The following PIK3C2B variants were observed in gnomAD, a reference collection of about 807,000 sequenced individuals.
PIK3C2B encodes phosphatidylinositol-4-phosphate 3-kinase catalytic subunit type 2 beta, also known as phosphatidylinositol 4-phosphate 3-kinase C2 domain-containing subunit beta.
A neutral mutation model predicts 184.3 loss-of-function variants in PIK3C2B; 83 were observed. That is an observed-to-expected ratio of 0.45 (90% CI 0.38 to 0.54). The LOEUF (loss-of-function observed/expected upper bound fraction) is 0.54. PIK3C2B is among the 20% of genes least tolerant of loss of function. The probability of loss-of-function intolerance (pLI) is 0.00; values close to 1 mark genes in which losing one functional copy is unlikely to be tolerated. For missense variants in PIK3C2B, 1,736 were observed against 2,113.5 expected, an observed-to-expected ratio of 0.82 and a Z score of 3.50; for synonymous variants, 779 against 837.6, an observed-to-expected ratio of 0.93 and a Z score of 1.21.
chr1:204,484,782 C>T (rs1041305911), intron 1 of PIK3C2B, among the ~76,000 whole-genome samples: 3 of 152,020 alleles, frequency 2.0e-5, no homozygotes, highest in African/African-American at 7.2e-5. Flanking sequence ...TCTAGAACAC[C>T]TCCATGCTCT....
At chr1:204,486,806 T>C (rs1035116940) in intron 1 of PIK3C2B, among the ~76,000 whole-genome samples, 2 of 152,152 alleles carry the variant, frequency 1.3e-5, no homozygotes, top group African/African-American at 4.8e-5. Context: ...CATTTTTTGT[T>C]TGGTTTTTTG....
chr1:204,425,061 G>A (rs1329495514), intron 32 of PIK3C2B, 21 bp from the exon 33 acceptor site: 5 of 1,600,026 alleles, frequency 3.1e-6, no homozygotes, highest in Admixed American at 1.7e-5. Flanking sequence ...AGAGATGGGT[G>A]AGGGAAGTGG....
Position 204,440,337 on chromosome 1 carries a change from A to G in PIK3C2B, c.3250-16T>C, listed in dbSNP as rs770990263. 6.4e-7 allele frequency: 1 copy of G among 1,569,396 alleles called. No individual in the cohort carries two copies. Among genetic ancestry groups the G allele is most frequent in the Non-Finnish European group, 8.6e-7 (1 of 1,156,894 alleles). On this transcript the variant is annotated splice_polypyrimidine_tract_variant and intron_variant, in intron 21 of 32. Transcript: ENST00000684373. The stretch of plus-strand genomic sequence containing the variant: ...CGTCCCCACACTGGATGGAGGGAGA[A>G]AGTGACCAGATCTAATCTCCACTAC...
chr1:204,464,612 G>A lies in PIK3C2B; in HGVS notation c.1035-8C>T. On this transcript the variant is annotated splice_region_variant and splice_polypyrimidine_tract_variant and intron_variant, in intron 3 of 32. Transcript: ENST00000684373. The stretch of plus-strand genomic sequence containing the variant: ...TCAGAGCCAGATCGAAGGCTGTACA[G>A]GAAGAAAAAAAACCCTCACTGTGCC... The A allele has an allele frequency of 6.2e-7, 1 of 1,609,030 alleles. No homozygotes were observed.
At chr1:204,472,779 T>TA (rs1168916489) in intron 1 of PIK3C2B, among the ~76,000 whole-genome samples, 1 of 151,820 alleles carries the variant, frequency 6.6e-6, no homozygotes, top group Admixed American at 6.6e-5. Context: ...AAACTCTGTC[T>TA]AAAAAAAACA....
chr1:204,454,585 A>C, intron 12 of PIK3C2B, 84 bp downstream of exon 12: 2 of 1,425,942 alleles, frequency 1.4e-6, no homozygotes, highest in Non-Finnish European at 1.9e-6. Flanking sequence ...TTAGTCCTGG[A>C]CTAGTTATCT....
chr1:204,481,728 G>C (rs1657166758), intron 1 of PIK3C2B, among the ~76,000 whole-genome samples: 1 of 152,204 alleles, frequency 6.6e-6, no homozygotes, highest in Admixed American at 6.5e-5. Context: ...GCCACAGAAG[G>C]AGCCTCAGGC....
intron 18 of PIK3C2B, 140 bp from the exon 19 acceptor site, chr1:204,443,737 C>A: frequency 1.4e-6 from 1 of 736,054 alleles, no homozygotes; most frequent in Admixed American, 2.3e-5. Context: ...TCTGTATGTA[C>A]GGCTCATATG....
At chr1:204,477,109 A>C (rs1168059089) in intron 1 of PIK3C2B, among the ~76,000 whole-genome samples, 1 of 152,226 alleles carries the variant, frequency 6.6e-6, no homozygotes, top group Non-Finnish European at 1.5e-5. Context: ...ACACAATGCC[A>C]TGAGCACACC....
chr1:204,434,721 A>G, intron 23 of PIK3C2B, 113 bp from the exon 24 acceptor site: 1 of 735,018 alleles, frequency 1.4e-6, no homozygotes, highest in Non-Finnish European at 2.2e-6. Context: ...TCTTCTGTGA[A>G]CCCCAATAGT....
intron 14 of PIK3C2B, 94 bp downstream of exon 14, chr1:204,449,091 C>A: frequency 1.2e-6 from 1 of 853,240 alleles, no homozygotes; most frequent in Non-Finnish European, 1.9e-6. Flanking sequence ...CTAGCACTCT[C>A]TCCTGCTGTC....
chr1:204,481,839 C>T lies in PIK3C2B; in HGVS notation c.-84-11953G>A, dbSNP rs189507951. 5.2e-3 allele frequency among the ~76,000 whole-genome samples: 789 copies of T among 152,330 alleles called. 5 individuals are homozygous for T. The highest frequency in any genetic ancestry group is 9.2e-3 in the Non-Finnish European group (624 of 68,022). On this transcript the variant is annotated intron_variant, in intron 1 of 32. Transcript: ENST00000684373. Reference sequence around the variant, plus strand: ...CCTAAATCAGGAAGGTGTAAAGAAGCCGTGGGGTCCCCACAGACCAGGGTA... The same window carrying T: ...CCTAAATCAGGAAGGTGTAAAGAAGTCGTGGGGTCCCCACAGACCAGGGTA...
In PIK3C2B at chr1:204,455,949, T is replaced by C; in HGVS notation, c.1850A>G (p.Lys617Arg). ...GCAGGCCTCCTGGACCAGGTCATGC[T>C]TGCGGCTCCCGGGCACTGCCGTCTG... ...DFQTAVPGSR[K>R]HDLVQEACHF... Residue 617 changes from lysine to arginine, a missense_variant, in exon 11 of 33, where the codon AAG becomes AGG. By Grantham distance (26) the Lys-to-Arg change is conservative. Coordinates refer to ENST00000684373, the MANE Select transcript of PIK3C2B (RefSeq NM_001377334.1). 6.2e-7 allele frequency: 1 copy of C among 1,614,204 alleles called. No individual in the cohort carries two copies. Among genetic ancestry groups the C allele is most frequent in the South Asian group, 1.1e-5 (1 of 91,084 alleles).
intron 31 of PIK3C2B, among the ~76,000 whole-genome samples, chr1:204,426,248 G>A (rs910347584): frequency 5.9e-5 from 9 of 152,152 alleles, no homozygotes; most frequent in East Asian, 1.9e-4. Flanking sequence ...AAAAAGCCAC[G>A]GTTCTTACTA....
chr1:204,481,503 T>A (rs1657143461), intron 1 of PIK3C2B, among the ~76,000 whole-genome samples: 2 of 152,084 alleles, frequency 1.3e-5, no homozygotes, highest in Non-Finnish European at 2.9e-5. Context: ...ATGATCCACC[T>A]GCCTGGGCCT....
At chr1:204,440,163 C>G in intron 22 of PIK3C2B, 29 bp downstream of exon 22, 5 of 1,599,462 alleles carry the variant, frequency 3.1e-6, no homozygotes, top group South Asian at 1.1e-5. Flanking sequence ...CGGTCCCCTC[C>G]TCCACCCTCA....
In PIK3C2B at chr1:204,472,241, G is replaced by A. The variant is rs1656352720; in HGVS notation, c.-84-2355C>T. Among the ~76,000 whole-genome samples, 3 of 150,246 alleles carry A rather than the reference G, an allele frequency of 2.0e-5. No individual in the cohort carries two copies. The South Asian group carries it at 6.3e-4, about 31-fold the overall frequency. ...TGCAGTGGCAGGATCTCGGCTCACT[G>A]CAAGCTCCACCTCCCAGGTTCATGC... On this transcript the variant is annotated intron_variant, in intron 1 of 32. Transcript: ENST00000684373.
In PIK3C2B at chr1:204,463,963, C is replaced by T. The variant is rs748423911; in HGVS notation, c.1310+49G>A. On this transcript the variant is annotated intron_variant, in intron 5 of 32. Transcript: ENST00000684373. ...GCACCAATCCCATGAAGCCCCCTCA[C>T]AATCTTACTACCAGGAAGGCAGGGG... 5.0e-6 allele frequency: 8 copies of T among 1,596,034 alleles called. No homozygotes were observed. The East Asian group carries it at 8.9e-5, about 18-fold the overall frequency.
intron 1 of PIK3C2B, among the ~76,000 whole-genome samples, chr1:204,487,812 C>A (rs1232316513): frequency 6.6e-6 from 1 of 152,102 alleles, no homozygotes. Flanking sequence ...TATAGGATTA[C>A]CCCACTCCAT....
Sources: gnomAD v4.1 joint callset for allele counts (sites outside exome capture counted in the v4.1 genomes callset) on GRCh38, gnomAD v4.1.1 for gene constraint, MANE v1.5 for transcripts, NCBI Gene and HGNC (gene_info 2026-07-23, HGNC 2026-07-21) for gene names.